The following ARFGEF2 variants were observed in gnomAD, a reference collection of about 807,000 sequenced individuals.
ARFGEF2 encodes the protein ARF guanine nucleotide exchange factor 2.
In ARFGEF2, 74 loss-of-function variants were observed where a neutral mutation model predicts 219.9. That is an observed-to-expected ratio of 0.34 (90% CI 0.28 to 0.41). ARFGEF2 has a LOEUF of 0.41. Among genes scored for constraint, ARFGEF2 ranks in the 10% least tolerant of loss-of-function variants. ARFGEF2 has a pLI of 1.00. For missense variants in ARFGEF2, 1,743 were observed against 2,218.3 expected (o/e 0.79, Z 4.30); for synonymous variants, 733 against 799.2 (o/e 0.92, Z 1.40).
chr20:48,988,482 T>A lies in ARFGEF2; in HGVS notation c.2362-9T>A, dbSNP rs776391172. 1.2e-5 allele frequency: 20 copies of A among 1,611,124 alleles called. No individual in the cohort carries two copies. The highest frequency in any genetic ancestry group is 1.1e-4 in the East Asian group (5 of 44,824). On this transcript the variant is annotated splice_polypyrimidine_tract_variant and intron_variant, in intron 17 of 38. Coordinates refer to ENST00000371917, the MANE Select transcript of ARFGEF2 (RefSeq NM_006420.3). ...TTTTTAAATGGTTTTTAATTTTTTT[T>A]AATTACAGGTAAAAAATAAAATGAC... is the stretch of plus-strand genomic sequence containing the variant.
intron 16 of ARFGEF2, 122 bp downstream of exon 16, chr20:48,985,735 C>T (rs931183806): frequency 3.7e-5 from 40 of 1,072,674 alleles, no homozygotes; most frequent in South Asian, 1.2e-4. Flanking sequence ...TTTTGTTTAC[C>T]GTGTGCCAGG....
chr20:48,961,479 A>C, intron 6 of ARFGEF2, among the ~76,000 whole-genome samples: 1 of 150,146 alleles, frequency 6.7e-6, no homozygotes, highest in Non-Finnish European at 1.5e-5. Context: ...TAATAACAAT[A>C]CTTTCTTCCG....
intron 25 of ARFGEF2, among the ~76,000 whole-genome samples, chr20:49,004,126 T>G (rs1243089463): frequency 6.6e-6 from 1 of 152,054 alleles, no homozygotes; most frequent in Non-Finnish European, 1.5e-5. Context: ...GCATTTTGAT[T>G]GAGGCGGCCT....
intron 1 of ARFGEF2, among the ~76,000 whole-genome samples, chr20:48,923,964 G>C (rs2090859939): frequency 6.6e-6 from 1 of 152,220 alleles, no homozygotes; most frequent in Admixed American, 6.5e-5. Flanking sequence ...AAATGGCCTA[G>C]ATAGGAAGTA....
At chr20:48,992,306 T>C (rs1272776330) in intron 21 of ARFGEF2, among the ~76,000 whole-genome samples, 3 of 152,226 alleles carry the variant, frequency 2.0e-5, no homozygotes, top group African/African-American at 7.2e-5. Flanking sequence ...TTCTTTTTTT[T>C]CTTAATTTCT....
chr20:49,015,870 A>G (rs1383887126), intron 30 of ARFGEF2, among the ~76,000 whole-genome samples: 3 of 152,216 alleles, frequency 2.0e-5, no homozygotes. Flanking sequence ...GAATTCTTTT[A>G]TGAATTACTC....
chr20:49,000,991 T>A (rs1242184241), intron 25 of ARFGEF2, among the ~76,000 whole-genome samples: 2 of 151,868 alleles, frequency 1.3e-5, no homozygotes, highest in African/African-American at 4.8e-5. Context: ...TCAACTTCAT[T>A]ACAAATGTCT....
chr20:49,011,575 C>T (rs1332586712), intron 27 of ARFGEF2, among the ~76,000 whole-genome samples: 1 of 152,168 alleles, frequency 6.6e-6, no homozygotes, highest in Non-Finnish European at 1.5e-5. Context: ...TGGGTTCTGC[C>T]TGCGAGCACG....
chr20:49,001,566 G>C (rs1222622687), intron 25 of ARFGEF2, among the ~76,000 whole-genome samples: 1 of 152,136 alleles, frequency 6.6e-6, no homozygotes, highest in Non-Finnish European at 1.5e-5. Flanking sequence ...CACTAAGCAT[G>C]GTGTGTATGC....
chr20:48,968,221 C>T (rs1238140224), intron 8 of ARFGEF2, among the ~76,000 whole-genome samples: 3 of 152,052 alleles, frequency 2.0e-5, no homozygotes, highest in Non-Finnish European at 4.4e-5. Context: ...TCTCGATCTC[C>T]TGACCTCGTG....
intron 1 of ARFGEF2, among the ~76,000 whole-genome samples, chr20:48,940,051 G>A (rs2090984216): frequency 1.3e-5 from 2 of 152,202 alleles, no homozygotes; most frequent in Admixed American, 1.3e-4. Context: ...CAACTGAGTG[G>A]ATGTGGGGTA....
At chr20:48,927,687 CAA>C (rs879894011) in intron 1 of ARFGEF2, among the ~76,000 whole-genome samples, 4 of 124,950 alleles carry the variant, frequency 3.2e-5, no homozygotes, top group African/African-American at 6.0e-5. Context: ...GACTCTGTCT[CAA>C]AAAAAAAAAA....
chr20:48,974,914 T>G (rs745976208), intron 13 of ARFGEF2, 40 bp downstream of exon 13: 1 of 1,520,472 alleles, frequency 6.6e-7, no homozygotes, highest in Admixed American at 1.7e-5. Flanking sequence ...CCATTCATAA[T>G]AGGCTCCTAC....
At chr20:48,928,429 A>C (rs2090892029) in intron 1 of ARFGEF2, among the ~76,000 whole-genome samples, 1 of 142,854 alleles carries the variant, frequency 7.0e-6, no homozygotes, top group Non-Finnish European at 1.5e-5. Flanking sequence ...CGATCTCCTG[A>C]CCTCGTGATC....
intron 1 of ARFGEF2, among the ~76,000 whole-genome samples, chr20:48,939,757 T>G (rs1187333618): frequency 6.6e-6 from 1 of 152,252 alleles, no homozygotes; most frequent in Non-Finnish European, 1.5e-5. Flanking sequence ...GCTTGAAGAT[T>G]AGAAATTGCT....
intron 23 of ARFGEF2, among the ~76,000 whole-genome samples, chr20:48,997,884 G>T (rs1003543403): frequency 2.6e-5 from 4 of 152,148 alleles, no homozygotes; most frequent in African/African-American, 9.7e-5. Context: ...TTGAGACAGA[G>T]TCTGTCTGTG....
At chr20:48,973,314 T>G (rs750981564) in intron 12 of ARFGEF2, 30 bp downstream of exon 12, 9 of 1,611,980 alleles carry the variant, frequency 5.6e-6, no homozygotes, top group Non-Finnish European at 7.6e-6. Flanking sequence ...TCAATTATAT[T>G]AAAGTTTATT....
intron 1 of ARFGEF2, among the ~76,000 whole-genome samples, chr20:48,938,254 G>A (rs1254253818): frequency 2.0e-5 from 3 of 152,072 alleles, no homozygotes; most frequent in Non-Finnish European, 4.4e-5. Context: ...TTGATGTTTT[G>A]TCCTCATAGC....
chr20:48,985,476 C>T lies in ARFGEF2; in HGVS notation c.2139C>T (p.Asp713=). ...AGGAGGTGATGTATGCCTACGTGGA[C>T]CAACTTGACTTCTGTGAAAAAGAAT... ...FNKEVMYAYV[D]QLDFCEKEFV... Residue 713 remains aspartate, a synonymous_variant, in exon 16 of 39, where the codon GAC becomes GAT. Coordinates refer to ENST00000371917, the MANE Select transcript of ARFGEF2 (RefSeq NM_006420.3). 6.2e-7 allele frequency: 1 copy of T among 1,614,200 alleles called. No homozygotes were observed. The highest frequency in any genetic ancestry group is 8.5e-7 in the Non-Finnish European group (1 of 1,180,048).
Sources: gnomAD v4.1 joint callset for allele counts (sites outside exome capture counted in the v4.1 genomes callset) on GRCh38, gnomAD v4.1.1 for gene constraint, MANE v1.5 for transcripts, NCBI Gene and HGNC (gene_info 2026-07-23, HGNC 2026-07-21) for gene names.